The following AGBL4 variants were observed in gnomAD, a reference collection of about 807,000 sequenced individuals.
AGBL4 encodes cytosolic carboxypeptidase 6.
Under a neutral mutation model 66.4 loss-of-function variants are expected in AGBL4, and 58 were observed. That is an observed-to-expected ratio of 0.87 (90% CI 0.71 to 1.09). The LOEUF is 1.09. AGBL4 is among the 50% of genes least tolerant of loss of function. AGBL4 has a pLI of 0.00. For synonymous variants in AGBL4, 234 were observed against 222.9 expected, an observed-to-expected ratio of 1.05 and a Z score of -0.44; for missense variants, 579 against 631.0, an observed-to-expected ratio of 0.92 and a Z score of 0.88.
intron 6 of AGBL4, among the ~76,000 whole-genome samples, chr1:48,720,729 AATTAACAC>A (rs1165764338): frequency 6.6e-6 from 1 of 152,124 alleles, no homozygotes; most frequent in Non-Finnish European, 1.5e-5. Flanking sequence ...TATAGAGATG[AATTAACAC>A]AGTCCTGCCT....
At chr1:49,159,612 T>G (rs546669164) in intron 4 of AGBL4, among the ~76,000 whole-genome samples, 56 of 152,202 alleles carry the variant, frequency 3.7e-4, no homozygotes, top group Non-Finnish European at 7.8e-4. Context: ...TGGCCTGTCT[T>G]GCTAGGTTGG....
At chr1:49,115,800 A>G (rs1645507791) in intron 4 of AGBL4, among the ~76,000 whole-genome samples, 3 of 152,126 alleles carry the variant, frequency 2.0e-5, no homozygotes, top group African/African-American at 7.2e-5. Flanking sequence ...AATTCAGATA[A>G]ATCTTACAAT....
At chr1:49,048,202 C>T (rs1178336651) in intron 4 of AGBL4, 1 of 152,098 alleles carries the variant, frequency 6.6e-6, no homozygotes, top group Non-Finnish European at 1.5e-5. Flanking sequence ...TTCCTACAGT[C>T]ATAAGGTCTC....
intron 3 of AGBL4, among the ~76,000 whole-genome samples, chr1:49,572,758 C>T (rs988123767): frequency 6.6e-6 from 1 of 152,072 alleles, no homozygotes; most frequent in Non-Finnish European, 1.5e-5. Context: ...TGAGTGTCAA[C>T]TTGATTGAAT....
Position 49,897,139 on chromosome 1 carries a change from G to A in AGBL4, c.35-45621C>T, listed in dbSNP as rs374080491. 2.6e-3 allele frequency among the ~76,000 whole-genome samples: 398 copies of A among 152,042 alleles called. 2 individuals carry two copies. Among genetic ancestry groups the A allele is most frequent in the South Asian group, 0.018 (88 of 4,820 alleles). On this transcript the variant is annotated intron_variant, in intron 1 of 13. Coordinates refer to ENST00000371839, the MANE Select transcript of AGBL4 (RefSeq NM_032785.4). ...AATCAAATAACAGACAGACATAAAG[G>A]TCATCTACATTGGAAAGGAATAAAT...
intron 4 of AGBL4, among the ~76,000 whole-genome samples, chr1:49,184,409 T>C (rs1294047939): frequency 6.6e-6 from 1 of 152,200 alleles, no homozygotes; most frequent in African/African-American, 2.4e-5. Context: ...ATAGTGTACA[T>C]TGGCAAATTG....
chr1:49,495,989 T>G (rs2148753609), intron 3 of AGBL4, among the ~76,000 whole-genome samples: 1 of 152,184 alleles, frequency 6.6e-6, no homozygotes, highest in Middle Eastern at 3.4e-3. Context: ...ACACTGAATT[T>G]CACTGGAGGG....
intron 3 of AGBL4, among the ~76,000 whole-genome samples, chr1:49,473,867 G>A (rs1646796070): frequency 1.3e-5 from 2 of 152,060 alleles, no homozygotes; most frequent in Non-Finnish European, 2.9e-5. Flanking sequence ...AGTTTTCCCA[G>A]AAGCACTTGC....
At chr1:48,758,787 C>T in intron 6 of AGBL4, 2 of 949,028 alleles carry the variant, frequency 2.1e-6, no homozygotes, top group Non-Finnish European at 3.0e-6. Flanking sequence ...AGAGTCTGTC[C>T]TTCCCTAGCC....
At chr1:49,127,054 A>G (rs1198547381) in intron 4 of AGBL4, among the ~76,000 whole-genome samples, 1 of 152,200 alleles carries the variant, frequency 6.6e-6, no homozygotes, top group Non-Finnish European at 1.5e-5. Context: ...CTACTGTCTT[A>G]AATAATTAGA....
intron 3 of AGBL4, among the ~76,000 whole-genome samples, chr1:49,305,043 T>C (rs1314729543): frequency 1.3e-5 from 2 of 152,180 alleles, no homozygotes; most frequent in African/African-American, 4.8e-5. Flanking sequence ...ATTACTGTCT[T>C]TACAGAATAG....
intron 2 of AGBL4, chr1:49,845,189 GA>G (rs1456684862): frequency 1.4e-6 from 2 of 1,441,406 alleles, no homozygotes; most frequent in East Asian, 2.3e-5. Flanking sequence ...AAAGTCTTCC[GA>G]AACAGCTCGG....
intron 3 of AGBL4, among the ~76,000 whole-genome samples, chr1:49,675,039 A>T (rs1646552869): frequency 6.6e-6 from 1 of 152,164 alleles, no homozygotes. Context: ...CAAAGTATTG[A>T]CAACTAAAAT....
intron 3 of AGBL4, among the ~76,000 whole-genome samples, chr1:49,276,737 C>G (rs911623175): frequency 6.6e-6 from 1 of 152,136 alleles, no homozygotes; most frequent in Non-Finnish European, 1.5e-5. Flanking sequence ...TCACCATGAC[C>G]GGATTTACCA....
At chr1:49,275,161 C>T (rs1301767353) in intron 3 of AGBL4, among the ~76,000 whole-genome samples, 2 of 152,260 alleles carry the variant, frequency 1.3e-5, no homozygotes, top group East Asian at 3.9e-4. Context: ...TCAGATATGG[C>T]TAAACTACTC....
chr1:49,458,552 C>T (rs942498189), intron 3 of AGBL4, among the ~76,000 whole-genome samples: 9 of 151,672 alleles, frequency 5.9e-5, no homozygotes, highest in Admixed American at 2.0e-4. Flanking sequence ...ACTTCCTTCT[C>T]TTGTGTGATT....
At chr1:48,818,953 C>G (rs1433380177) in intron 6 of AGBL4, among the ~76,000 whole-genome samples, 3 of 152,062 alleles carry the variant, frequency 2.0e-5, no homozygotes, top group Non-Finnish European at 4.4e-5. Flanking sequence ...AGGAAGCTAG[C>G]CTGCATCATG....
At chr1:49,064,310 G>A (rs925854452) in intron 4 of AGBL4, among the ~76,000 whole-genome samples, 1 of 152,152 alleles carries the variant, frequency 6.6e-6, no homozygotes, top group South Asian at 2.1e-4. Flanking sequence ...GGTATACTTT[G>A]GTGGGGTCAC....
intron 2 of AGBL4, among the ~76,000 whole-genome samples, chr1:49,842,971 C>A (rs1646038659): frequency 6.6e-6 from 1 of 151,986 alleles, no homozygotes; most frequent in Non-Finnish European, 1.5e-5. Flanking sequence ...ACAATGGATC[C>A]AGGCTGGGCC....
Sources: gnomAD v4.1 joint callset for allele counts (sites outside exome capture counted in the v4.1 genomes callset) on GRCh38, gnomAD v4.1.1 for gene constraint, MANE v1.5 for transcripts, NCBI Gene and HGNC (gene_info 2026-07-23, HGNC 2026-07-21) for gene names.